The following KIAA1958 variants were observed in gnomAD, a reference collection of about 807,000 sequenced individuals.
The protein encoded by KIAA1958 is KIAA1958, also known as uncharacterized protein KIAA1958.
In KIAA1958, 14 loss-of-function variants were observed where a neutral mutation model predicts 47.2. The ratio of observed to expected loss-of-function variants is 0.30; its 90% CI spans 0.20 to 0.46. The LOEUF is 0.46. Among genes scored for constraint, KIAA1958 ranks in the 20% least tolerant of loss-of-function variants. The pLI, the probability that KIAA1958 is intolerant of heterozygous loss-of-function variation, is 1.00. For missense variants in KIAA1958, 803 were observed against 909.2 expected, an observed-to-expected ratio of 0.88 and a Z score of 1.50; for synonymous variants, 354 against 353.3, an observed-to-expected ratio of 1.00 and a Z score of -0.02.
At chr9:112,573,484 C>A (rs1370500195) in intron 1 of KIAA1958, among the ~76,000 whole-genome samples, 1 of 152,198 alleles carries the variant, frequency 6.6e-6, no homozygotes, top group Admixed American at 6.5e-5. Flanking sequence ...TCGAGCCCCT[C>A]ATCCTCTCCT....
At chr9:112,641,389 A>G (rs1369068913) in intron 2 of KIAA1958, among the ~76,000 whole-genome samples, 2 of 78,300 alleles carry the variant, frequency 2.6e-5, no homozygotes, top group Non-Finnish European at 2.6e-5. Flanking sequence ...TCTTCTCGCT[A>G]TGTTGACAGC....
intron 1 of KIAA1958, among the ~76,000 whole-genome samples, chr9:112,539,717 G>A (rs576152820): frequency 1.3e-5 from 2 of 152,152 alleles, no homozygotes; most frequent in South Asian, 2.1e-4. Context: ...GGTGCATGGA[G>A]TCTCCCTCTG....
intron 1 of KIAA1958, among the ~76,000 whole-genome samples, chr9:112,515,566 T>A (rs1290841325): frequency 2.2e-5 from 2 of 89,650 alleles, no homozygotes; most frequent in East Asian, 6.2e-4. Flanking sequence ...CTTGGGATCC[T>A]GTTGATCTGT....
chr9:112,660,449 A>G lies in KIAA1958; in HGVS notation c.*380A>G. 4.7e-6 allele frequency: 1 copy of G among 211,852 alleles called. No individual in the cohort carries two copies. The highest frequency in any genetic ancestry group is 1.0e-4 in the South Asian group (1 of 9,798). The allele number at this position is 211,852 out of a possible 1,614,324, so 13.1% of individuals were successfully genotyped here. A position where few individuals can be genotyped will look rare whatever the true frequency, so the allele number is the denominator to read the frequency against. On this transcript the variant is annotated 3_prime_UTR_variant, in exon 4 of 4. Coordinates refer to ENST00000337530, the MANE Select transcript of KIAA1958 (RefSeq NM_133465.4). ...TTTAAAAAAAAAATCCCAGTAGCGCAGTAGCTTTAGAACGTTAGGAAGACT... is the reference window on the plus strand; with the variant it reads ...TTTAAAAAAAAAATCCCAGTAGCGCGGTAGCTTTAGAACGTTAGGAAGACT...
chr9:112,659,259 T>C lies in KIAA1958; in HGVS notation c.1345-4T>C. ...GTGTAACCTCCGTGTTTGTCTCATT[T>C]GAGATCCCTGCAGTGAAGTTGAACG... On this transcript the variant is annotated splice_polypyrimidine_tract_variant and splice_region_variant and intron_variant, in intron 3 of 3. Transcript: ENST00000337530. 6.2e-7 allele frequency: 1 copy of C among 1,607,078 alleles called. No individual in the cohort carries two copies. Among genetic ancestry groups the C allele is most frequent in the Non-Finnish European group, 8.5e-7 (1 of 1,175,900 alleles).
At chr9:112,617,803 A>G (rs947489754) in intron 2 of KIAA1958, 2 of 1,211,452 alleles carry the variant, frequency 1.7e-6, no homozygotes, top group Admixed American at 5.6e-5. Flanking sequence ...ACTTTATTTC[A>G]GAGTAGAAAG....
chr9:112,495,479 C>T (rs923562129), intron 1 of KIAA1958, among the ~76,000 whole-genome samples: 6 of 152,162 alleles, frequency 3.9e-5, no homozygotes, highest in African/African-American at 1.4e-4. Flanking sequence ...TACCATTGTA[C>T]ACTCACTAGA....
intron 3 of KIAA1958, among the ~76,000 whole-genome samples, chr9:112,657,545 TATA>T (rs1201004736): frequency 6.6e-6 from 1 of 152,182 alleles, no homozygotes. Context: ...CATTTTGATA[TATA>T]ATGTTTTCGG....
At chr9:112,489,607 G>T (rs1229378317) in intron 1 of KIAA1958, among the ~76,000 whole-genome samples, 13 of 151,676 alleles carry the variant, frequency 8.6e-5, no homozygotes, top group Admixed American at 7.9e-4. Context: ...CTGGTAAGTT[G>T]GTGTTGAGGA....
chr9:112,501,669 C>T (rs958068683), intron 1 of KIAA1958, among the ~76,000 whole-genome samples: 4 of 152,124 alleles, frequency 2.6e-5, no homozygotes, highest in Admixed American at 6.5e-5. Context: ...CGTAGAGAGA[C>T]GGGAAGGGCA....
intron 2 of KIAA1958, among the ~76,000 whole-genome samples, chr9:112,599,130 C>CA (rs1255530108): frequency 6.6e-6 from 1 of 152,160 alleles, no homozygotes; most frequent in Admixed American, 6.5e-5. Context: ...CTATGCATCA[C>CA]AGTACTTCCA....
intron 2 of KIAA1958, chr9:112,618,000 A>G: frequency 6.4e-7 from 1 of 1,550,548 alleles, no homozygotes; most frequent in Non-Finnish European, 8.7e-7. Context: ...AGAGAGATTT[A>G]TGTCATCCCT....
chr9:112,615,053 G>A (rs143455375), intron 2 of KIAA1958, among the ~76,000 whole-genome samples: 76 of 152,154 alleles, frequency 5.0e-4, no homozygotes, highest in Admixed American at 7.2e-4. Flanking sequence ...CTTTTAAATT[G>A]ACACCCAAAG....
intron 2 of KIAA1958, among the ~76,000 whole-genome samples, chr9:112,635,085 A>T (rs951709462): frequency 1.3e-5 from 2 of 152,122 alleles, no homozygotes; most frequent in African/African-American, 4.8e-5. Flanking sequence ...TTTTTATATA[A>T]AAGTTATGCA....
intron 1 of KIAA1958, among the ~76,000 whole-genome samples, chr9:112,510,906 A>C (rs1471444377): frequency 6.6e-6 from 1 of 152,130 alleles, no homozygotes; most frequent in Non-Finnish European, 1.5e-5. Context: ...GGAGAACAGC[A>C]TTCCAGGCAG....
intron 2 of KIAA1958, among the ~76,000 whole-genome samples, chr9:112,637,656 A>G (rs1419016869): frequency 1.3e-5 from 2 of 151,752 alleles, no homozygotes; most frequent in Non-Finnish European, 2.9e-5. Context: ...GATTACAGGC[A>G]TGAGCCACTG....
chr9:112,612,990 T>C (rs2131211845), intron 2 of KIAA1958, among the ~76,000 whole-genome samples: 1 of 152,306 alleles, frequency 6.6e-6, no homozygotes, highest in South Asian at 2.1e-4. Flanking sequence ...TAATACATAG[T>C]GGTAAGAAGC....
chr9:112,566,962 T>C (rs1835436882), intron 1 of KIAA1958, among the ~76,000 whole-genome samples: 1 of 152,194 alleles, frequency 6.6e-6, no homozygotes, highest in South Asian at 2.1e-4. Context: ...ATTAATAATA[T>C]GCTCATATTA....
chr9:112,501,814 T>C (rs1796026106), intron 1 of KIAA1958, among the ~76,000 whole-genome samples: 1 of 152,170 alleles, frequency 6.6e-6, no homozygotes, highest in African/African-American at 2.4e-5. Flanking sequence ...CAGACCCTAC[T>C]AAAAATCACT....
Sources: allele counts gnomAD v4.1 joint callset (sites outside exome capture counted in the v4.1 genomes callset), GRCh38; gene constraint gnomAD v4.1.1; transcripts MANE v1.5; gene names NCBI Gene and HGNC (gene_info 2026-07-23, HGNC 2026-07-21).